Variants in HIVEP3 observed in about 807,000 individuals in gnomAD.
HIVEP3 encodes transcription factor HIVEP3.
A neutral mutation model predicts 152.8 loss-of-function variants in HIVEP3; 49 were observed. The ratio of observed to expected loss-of-function variants is 0.32; its 90% confidence interval spans 0.26 to 0.41. The LOEUF is 0.41. HIVEP3 is among the 10% of genes least tolerant of loss of function. The probability of loss-of-function intolerance (pLI) is 1.00; values close to 1 mark genes in which losing one functional copy is unlikely to be tolerated. For synonymous variants in HIVEP3, 1,269 were observed against 1,289.0 expected, an observed-to-expected ratio of 0.98 and a Z score of 0.33; for missense variants, 2,790 against 3,103.3, an observed-to-expected ratio of 0.90 and a Z score of 2.40.
chr1:41,568,033 G>T (rs1359998808), intron 5 of HIVEP3, among the ~76,000 whole-genome samples: 1 of 152,200 alleles, frequency 6.6e-6, no homozygotes, highest in Non-Finnish European at 1.5e-5. Flanking sequence ...GCACATTGGA[G>T]GAAGATTCCT....
At chr1:41,574,909 C>T (rs1644304239) in intron 5 of HIVEP3, among the ~76,000 whole-genome samples, 1 of 152,256 alleles carries the variant, frequency 6.6e-6, no homozygotes, top group South Asian at 2.1e-4. Context: ...AGAGCCCAGA[C>T]AGTCCCTGAA....
chr1:41,651,182 G>A (rs1645543226), intron 2 of HIVEP3, among the ~76,000 whole-genome samples: 1 of 152,130 alleles, frequency 6.6e-6, no homozygotes, highest in Non-Finnish European at 1.5e-5. Context: ...GGCCAAGGCA[G>A]GCAGATCTCT....
intron 1 of HIVEP3, among the ~76,000 whole-genome samples, chr1:42,020,583 T>A (rs2124534829): frequency 6.6e-6 from 1 of 152,292 alleles, no homozygotes; most frequent in Non-Finnish European, 1.5e-5. Context: ...GGATAATAAA[T>A]CTCTTACAAA....
intron 1 of HIVEP3, among the ~76,000 whole-genome samples, chr1:41,990,302 G>A (rs1645352409): frequency 6.7e-6 from 1 of 150,218 alleles, no homozygotes. Flanking sequence ...CTGTTAGTCT[G>A]ATGGGCTTCC....
rs149185983 is a variant in HIVEP3 at position 41,984,028 on chromosome 1, A to G, written n.119+51779T>C. Among the ~76,000 whole-genome samples the G allele has an allele frequency of 4.7e-3, 718 of 152,310 alleles. 6 individuals are homozygous for G. The highest frequency in any genetic ancestry group is 0.016 in the African/African-American group (677 of 41,576). On this transcript the variant is annotated intron_variant and non_coding_transcript_variant, in intron 1 of 3. Coordinates refer to the HIVEP3 transcript ENST00000489103. The stretch of plus-strand genomic sequence containing the variant: ...GCTCTGTTGCCTAGGCTGGAGTGCA[A>G]TGGCACAATCTTGGCTCACTGTAGC...
chr1:41,947,639 A>G (rs982703965), intron 1 of HIVEP3, among the ~76,000 whole-genome samples: 6 of 152,226 alleles, frequency 3.9e-5, no homozygotes, highest in African/African-American at 1.4e-4. Flanking sequence ...CCCAAGCCCC[A>G]GTGTTAAGCT....
intron 6 of HIVEP3, among the ~76,000 whole-genome samples, chr1:41,524,064 C>G (rs533020166): frequency 1.3e-5 from 2 of 152,130 alleles, no homozygotes; most frequent in East Asian, 3.9e-4. Context: ...TCACAGCTCT[C>G]TGGGATGCAT....
intron 1 of HIVEP3, among the ~76,000 whole-genome samples, chr1:41,820,681 G>A (rs1427416783): frequency 6.6e-6 from 1 of 152,038 alleles, no homozygotes; most frequent in African/African-American, 2.4e-5. Flanking sequence ...CTGTCTTTTA[G>A]GTAACAGTCC....
intron 5 of HIVEP3, among the ~76,000 whole-genome samples, chr1:41,527,692 A>G (rs1385639610): frequency 1.7e-5 from 2 of 115,406 alleles, no homozygotes; most frequent in African/African-American, 7.0e-5. Flanking sequence ...CCTCATGCTC[A>G]CCCTCACACA....
chr1:41,599,989 G>C lies in HIVEP3; in HGVS notation c.-521-14671C>G, dbSNP rs758903659. 3.3e-5 allele frequency among the ~76,000 whole-genome samples: 5 copies of C among 152,158 alleles called. No individual in the cohort carries two copies. The South Asian group carries it at 1.0e-3, about 32-fold the overall frequency. Reference sequence around the variant, plus strand: ...AGATGCTCACCATTACCAATTACTAGGGAAATGAAAAATCAAAACCACGAA... The same window carrying C: ...AGATGCTCACCATTACCAATTACTACGGAAATGAAAAATCAAAACCACGAA... On this transcript the variant is annotated intron_variant, in intron 3 of 8. Coordinates refer to ENST00000372583, the MANE Select transcript of HIVEP3 (RefSeq NM_024503.5).
chr1:42,023,900 T>C (rs976278712), intron 1 of HIVEP3, among the ~76,000 whole-genome samples: 1 of 152,236 alleles, frequency 6.6e-6, no homozygotes, highest in Non-Finnish European at 1.5e-5. Flanking sequence ...GTCATATCCA[T>C]GAATCCCAGT....
intron 5 of HIVEP3, among the ~76,000 whole-genome samples, chr1:41,556,442 T>C (rs1643967607): frequency 6.6e-6 from 1 of 152,214 alleles, no homozygotes; most frequent in African/African-American, 2.4e-5. Flanking sequence ...GAAATGTCCA[T>C]TCATGCTTTT....
In HIVEP3 at chr1:41,582,514, T is replaced by C. The variant is rs1232543657; in HGVS notation, c.2284A>G (p.Lys762Glu). The C allele has an allele frequency of 1.9e-6, 3 of 1,611,976 alleles. No homozygotes were observed. Among genetic ancestry groups the C allele is most frequent in the Admixed American group, 3.3e-5 (2 of 59,906 alleles). ...ESTKSPAEPSKSVPSLEGPTG... is the reference protein window; with the variant it reads ...ESTKSPAEPSESVPSLEGPTG... ...GGTCCCTCCAAGGAGGGCACTGATT[T>C]ACTTGGTTCTGCTGGTGACTTGGTG... is the stretch of plus-strand genomic sequence containing the variant. The change falls in exon 4 of 9, where the codon AAA (lysine) becomes GAA (glutamate). Residue 762 changes from lysine to glutamate, a missense_variant. Physicochemically the swap from Lys to Glu is moderately conservative, Grantham distance 56 (BLOSUM62 1). Transcript: ENST00000372583. This position sits in a 1 kb window ranked among gnomAD's most constrained non-coding sequence, Gnocchi z 4.7.
intron 1 of HIVEP3, among the ~76,000 whole-genome samples, chr1:41,893,860 AATTATAT>A (rs908150485): frequency 2.7e-5 from 4 of 147,292 alleles, no homozygotes; most frequent in South Asian, 2.1e-4. Context: ...AATATGAAAA[AATTATAT>A]ATTATATATT....
In HIVEP3 at chr1:41,512,939, C is replaced by T. The variant is rs369884121; in HGVS notation, c.6282G>A (p.Pro2094=). ...CATGCTCCCCCGCTGAGGGGCTGCC[C>T]GGCCCAGCCAAGGCCCACTTCCCTG... ...APPGKWALAG[P]GSPSAGEHGP... The change falls in exon 8 of 9, where the codon CCG becomes CCA. Residue 2094 remains proline (P), a synonymous_variant. Transcript: ENST00000372583. The T allele has an allele frequency of 2.4e-5, 38 of 1,603,746 alleles. No individual in the cohort carries two copies. Among genetic ancestry groups the T allele is most frequent in the African/African-American group, 1.7e-4 (13 of 74,666 alleles).
chr1:41,524,289 C>T (rs944504099), intron 6 of HIVEP3, among the ~76,000 whole-genome samples: 1 of 152,082 alleles, frequency 6.6e-6, no homozygotes, highest in Non-Finnish European at 1.5e-5. Flanking sequence ...GAGAAGAGAG[C>T]ATGCGAGTGT....
intron 1 of HIVEP3, among the ~76,000 whole-genome samples, chr1:41,764,706 C>T (rs2124252406): frequency 6.6e-6 from 1 of 152,306 alleles, no homozygotes; most frequent in African/African-American, 2.4e-5. Context: ...GGCATCATGC[C>T]AGGCACTGGG....
rs758086026 is a variant in HIVEP3 at position 41,583,040 on chromosome 1, C to T, written c.1758G>A (p.Met586Ile). The T allele has an allele frequency of 6.2e-6, 10 of 1,614,060 alleles. No individual in the cohort carries two copies. The highest frequency in any genetic ancestry group is 8.5e-6 in the Non-Finnish European group (10 of 1,180,018). ...ATTCGATTGCCGGCTGGCGCTTCAG[C>T]ATCCGGGGGTGGGAGGTAAACACGT... ...SSHVFTSHPR[M>I]LKRQPAIELP... The change falls in exon 4 of 9, where the codon ATG becomes ATA. Residue 586 changes from methionine (M) to isoleucine (I), a missense_variant. By Grantham distance (10) the Met-to-Ile change is conservative. This residue lies in a region of HIVEP3 where 339 missense variants were observed against 327.0 expected (regional missense o/e 1.04). Transcript: ENST00000372583. This position sits in a 1 kb window ranked among gnomAD's most constrained non-coding sequence, Gnocchi z 6.9.
chr1:41,863,244 GT>G (rs1207327834), intron 1 of HIVEP3, among the ~76,000 whole-genome samples: 10 of 152,232 alleles, frequency 6.6e-5, no homozygotes, highest in Non-Finnish European at 8.8e-5. Flanking sequence ...ACTGCGTAAG[GT>G]GGGGGTGATC....
Sources: allele counts gnomAD v4.1 joint callset (sites outside exome capture counted in the v4.1 genomes callset), GRCh38; gene constraint gnomAD v4.1.1; regional missense constraint gnomAD v4.1.1; non-coding constraint Gnocchi (gnomAD v3.1); transcripts MANE v1.5; gene names NCBI Gene and HGNC (gene_info 2026-07-23, HGNC 2026-07-21).